The following TEK variants were observed in gnomAD, a reference collection of about 807,000 sequenced individuals.
TEK encodes the protein angiopoietin-1 receptor.
TEK carries 43 observed loss-of-function variants against 131.8 expected under a neutral mutation model. The observed-to-expected ratio is 0.33, with a 90% CI of 0.26 to 0.42. The LOEUF (loss-of-function observed/expected upper bound fraction) is 0.42, where lower values mean the gene tolerates loss of function less well. TEK is among the 10% of genes least tolerant of loss of function. The pLI is 1.00. For synonymous variants in TEK, 580 were observed against 491.6 expected (o/e 1.18, Z -2.38); for missense variants, 1,162 against 1,384.4 (o/e 0.84, Z 2.55).
chr9:27,152,648 TG>T (rs1209771788), intron 1 of TEK, among the ~76,000 whole-genome samples: 3 of 139,922 alleles, frequency 2.1e-5, no homozygotes, highest in African/African-American at 8.0e-5. Flanking sequence ...TGGGAGTGGG[TG>T]AGGGTGTGGG....
intron 22 of TEK, among the ~76,000 whole-genome samples, chr9:27,228,644 A>G (rs1826433122): frequency 6.6e-6 from 1 of 152,204 alleles, no homozygotes; most frequent in Non-Finnish European, 1.5e-5. Context: ...GACACACAGC[A>G]AGTAGACAAC....
intron 1 of TEK, among the ~76,000 whole-genome samples, chr9:27,117,198 G>A (rs562429529): frequency 6.6e-5 from 10 of 152,068 alleles, no homozygotes; most frequent in Non-Finnish European, 1.5e-4. Context: ...GTAAGATGGG[G>A]CAGCAGAGTA....
intron 1 of TEK, among the ~76,000 whole-genome samples, chr9:27,112,358 G>A (rs1264105479): frequency 1.3e-5 from 2 of 152,226 alleles, no homozygotes; most frequent in Non-Finnish European, 2.9e-5. Context: ...GAGTAATCAA[G>A]GGTGGAGGTC....
intron 18 of TEK, among the ~76,000 whole-genome samples, chr9:27,215,730 C>T (rs1225684502): frequency 6.6e-6 from 1 of 151,992 alleles, no homozygotes; most frequent in Non-Finnish European, 1.5e-5. Flanking sequence ...TTTGGGGTAA[C>T]ATAAGTCAGA....
rs372803192 is a variant in TEK at position 27,205,151 on chromosome 9, T to A, written c.2364+86T>A. ...CTTTAAAGATATGGACCAGGAAATTTACTTATAAAGTAAATATTTCCCTTA... is the reference window on the plus strand; with the variant it reads ...CTTTAAAGATATGGACCAGGAAATTAACTTATAAAGTAAATATTTCCCTTA... On this transcript the variant is annotated intron_variant, in intron 14 of 22. Coordinates refer to ENST00000380036, the MANE Select transcript of TEK (RefSeq NM_000459.5). 44 of 1,538,690 alleles carry A rather than the reference T, an allele frequency of 2.9e-5. No homozygotes were observed. In the African/African-American group the frequency reaches 3.5e-4, roughly 12 times the overall value.
chr9:27,213,591 G>T lies in TEK; in HGVS notation c.2985G>T (p.Lys995Asn). The T allele has an allele frequency of 1.2e-6, 2 of 1,611,724 alleles. No individual in the cohort carries two copies. The highest frequency in any genetic ancestry group is 1.7e-6 in the Non-Finnish European group (2 of 1,177,932). ...LSRGQEVYVK[K>N]TMGRLPVRWM... ...GAGGTCAAGAGGTGTATGTGAAAAA[G>T]ACAATGGTAAGTGCCAGACACAGAC... is the stretch of plus-strand genomic sequence containing the variant. The change falls in exon 18 of 23, where the codon AAG becomes AAT. Residue 995 changes from lysine (K) to asparagine (N), a missense_variant. Around this residue, in one of 6 missense-constraint regions of TEK, gnomAD observed 107 missense variants for 173.9 expected, o/e 0.62. Coordinates refer to ENST00000380036, the MANE Select transcript of TEK (RefSeq NM_000459.5).
intron 1 of TEK, among the ~76,000 whole-genome samples, chr9:27,139,410 C>G (rs1168429071): frequency 7.3e-6 from 1 of 136,838 alleles, no homozygotes; most frequent in African/African-American, 2.8e-5. Flanking sequence ...TCAATGCATG[C>G]TCCGCCTCCT....
intron 15 of TEK, among the ~76,000 whole-genome samples, chr9:27,207,065 A>G (rs769647486): frequency 6.6e-6 from 1 of 152,236 alleles, no homozygotes; most frequent in Non-Finnish European, 1.5e-5. Context: ...TTTGCGGAGC[A>G]TCATTGTTTC....
chr9:27,136,865 T>G (rs1387339466), intron 1 of TEK, among the ~76,000 whole-genome samples: 1 of 152,298 alleles, frequency 6.6e-6, no homozygotes, highest in South Asian at 2.1e-4. Context: ...CTTTCCAATG[T>G]TCTACCTTTC....
intron 16 of TEK, among the ~76,000 whole-genome samples, chr9:27,211,155 A>G (rs62546526): frequency 7.4e-6 from 1 of 135,786 alleles, no homozygotes; most frequent in African/African-American, 2.8e-5. Context: ...ATATATATGT[A>G]TGAATATATG....
intron 1 of TEK, among the ~76,000 whole-genome samples, chr9:27,114,992 G>T (rs908851909): frequency 2.6e-5 from 4 of 152,064 alleles, no homozygotes; most frequent in African/African-American, 9.7e-5. Context: ...CTGGAAACTA[G>T]GAATATAAAT....
intron 16 of TEK, among the ~76,000 whole-genome samples, chr9:27,211,175 A>ATAAATATATGAATATATG (rs1564101014): frequency 1.1e-5 from 1 of 88,700 alleles, no homozygotes; most frequent in Non-Finnish European, 2.7e-5. Flanking sequence ...GTATGTGTAT[A>ATAAATATATGAATATATG]TATATATATG....
At chr9:27,117,014 A>C (rs1213421313) in intron 1 of TEK, among the ~76,000 whole-genome samples, 2 of 151,602 alleles carry the variant, frequency 1.3e-5, no homozygotes, top group Non-Finnish European at 2.9e-5. Flanking sequence ...GGCGCCTGCC[A>C]CCACGCCCAG....
chr9:27,216,548 G>A (rs989157059), intron 18 of TEK, among the ~76,000 whole-genome samples: 1 of 151,870 alleles, frequency 6.6e-6, no homozygotes, highest in African/African-American at 2.4e-5. Flanking sequence ...AAGGGAGGAG[G>A]TGTGGATGTG....
At chr9:27,211,387 T>C (rs906238358) in intron 16 of TEK, among the ~76,000 whole-genome samples, 1 of 128,478 alleles carries the variant, frequency 7.8e-6, no homozygotes, top group Non-Finnish European at 1.6e-5. Flanking sequence ...TCAATATTAC[T>C]TTTCTTTTTT....
chr9:27,190,275 A>G (rs1190843949), intron 9 of TEK, among the ~76,000 whole-genome samples: 2 of 152,272 alleles, frequency 1.3e-5, no homozygotes, highest in East Asian at 1.9e-4. Flanking sequence ...GTTTTATCCT[A>G]CATGTGATGA....
At chr9:27,183,677 A>G in intron 8 of TEK, 67 bp downstream of exon 8, 1 of 1,563,202 alleles carries the variant, frequency 6.4e-7, no homozygotes, top group Non-Finnish European at 8.8e-7. Context: ...TCACCCCACT[A>G]AATGATAGAT....
Position 27,183,482 on chromosome 9 carries a change from A to G in TEK, c.1054A>G (p.Ile352Val), listed in dbSNP as rs1824475045. ...AGGCATACAGAGGATGACCCCAAAG[A>G]TAGTGGATTTGCCAGATCATATAGA... ...REGIQRMTPK[I>V]VDLPDHIEVN... The change falls in exon 8 of 23, where the codon ATA (isoleucine) becomes GTA (valine). Residue 352 changes from isoleucine to valine, a missense_variant. Transcript: ENST00000380036. The G allele has an allele frequency of 1.9e-6, 3 of 1,613,858 alleles. No homozygotes were observed. Among genetic ancestry groups the G allele is most frequent in the East Asian group, 4.5e-5 (2 of 44,886 alleles).
chr9:27,184,716 G>A (rs16911136), intron 8 of TEK, among the ~76,000 whole-genome samples: 12,242 of 152,070 alleles, frequency 0.081, 755 homozygotes, highest in African/African-American at 0.17. Context: ...CTGGCTGGGT[G>A]AAGTTAAGTA....
Sources: gnomAD v4.1 joint callset for allele counts (sites outside exome capture counted in the v4.1 genomes callset) on GRCh38, gnomAD v4.1.1 for gene constraint, gnomAD v4.1.1 regional missense constraint, MANE v1.5 for transcripts, NCBI Gene and HGNC (gene_info 2026-07-23, HGNC 2026-07-21) for gene names.